The following MN1 variants were observed in gnomAD, a reference collection of about 807,000 sequenced individuals.
MN1 encodes the protein MN1 proto-oncogene, transcriptional regulator.
A neutral mutation model predicts 86.9 loss-of-function variants in MN1; 19 were observed. The observed-to-expected ratio is 0.22, with a 90% CI of 0.15 to 0.32. The LOEUF is 0.32. Ranked by LOEUF, MN1 falls within the 10% of genes least tolerant of loss-of-function variation. The pLI, the probability that MN1 is intolerant of heterozygous loss-of-function variation, is 1.00. For synonymous variants in MN1, 928 were observed against 849.6 expected (o/e 1.09, Z -1.60); for missense variants, 1,841 against 1,862.0 (o/e 0.99, Z 0.21).
At position 27,800,004 on chromosome 22, in the gene MN1, A is replaced by G. The variant is rs1487925652; in HGVS notation, c.540T>C (p.Gly180=). 1 of 1,605,088 alleles carries G rather than the reference A, an allele frequency of 6.2e-7. No homozygotes were observed. Among genetic ancestry groups the G allele is most frequent in the Admixed American group, 1.7e-5 (1 of 59,848 alleles). Residue 180 remains glycine (G), a synonymous_variant, in exon 1 of 2, where the codon GGT becomes GGC. Transcript: ENST00000302326. ...GGGCCGGCACGGCGTGGCTGGAGGC[A>G]CCTGAACTGTGGAAGTCCGGGAGGT... The part of the protein sequence containing the change: ...PGNLPDFHSS[G]ASSHAVPAPC...
Position 27,797,886 on chromosome 22 carries a change from C to A in MN1, c.2658G>T (p.Gly886=), listed in dbSNP as rs779152503. The change falls in exon 1 of 2, where the codon GGG becomes GGT. Residue 886 remains glycine, a synonymous_variant. Transcript: ENST00000302326. ...CGGACGGGCCTCCGGGTCCTGGGGC[C>A]CCAGGAGCAGTCCCTCCTGGGAAGT... ...SDYFPGGTAP[G]APGPGGPSGT... The A allele has an allele frequency of 3.1e-6, 5 of 1,595,066 alleles. No homozygotes were observed. The highest frequency in any genetic ancestry group is 4.3e-6 in the Non-Finnish European group (5 of 1,171,338).
chr22:27,763,574 G>T (rs766005283), intron 1 of MN1, among the ~76,000 whole-genome samples: 2 of 152,194 alleles, frequency 1.3e-5, no homozygotes, highest in Non-Finnish European at 2.9e-5. Flanking sequence ...GGGATGAATT[G>T]GTACCCAACC....
chr22:27,778,609 G>A (rs2073782), intron 1 of MN1, among the ~76,000 whole-genome samples: 3,292 of 152,328 alleles, frequency 0.022, 109 homozygotes, highest in East Asian at 0.13. Flanking sequence ...CCACGACCCC[G>A]TTTAACCCAA....
chr22:27,797,041 C>A lies in MN1; in HGVS notation c.3503G>T (p.Ser1168Ile). The A allele has an allele frequency of 6.2e-7, 1 of 1,612,518 alleles. No individual in the cohort carries two copies. Among genetic ancestry groups the A allele is most frequent in the Non-Finnish European group, 8.5e-7 (1 of 1,179,792 alleles). ...CCCCAGAGGCTGGTCCTCGGAGATG[C>A]TGAACTGCTGCCTCTGTAGCTGGAT... ...AQIQLQRQQF[S>I]ISEDQPLGLK... Residue 1168 changes from serine to isoleucine, a missense_variant, in exon 1 of 2, where the codon AGC (serine) becomes ATC (isoleucine). Ser to Ile is a moderately radical substitution (Grantham distance 142, BLOSUM62 -2). Transcript: ENST00000302326.
intron 1 of MN1, among the ~76,000 whole-genome samples, chr22:27,793,502 T>G (rs1486116739): frequency 6.6e-6 from 1 of 152,182 alleles, no homozygotes; most frequent in Non-Finnish European, 1.5e-5. Flanking sequence ...TTGTTTTTTG[T>G]TTTTTTCCTT....
intron 1 of MN1, among the ~76,000 whole-genome samples, chr22:27,754,469 G>A (rs76372587): frequency 6.6e-6 from 1 of 152,318 alleles, no homozygotes; most frequent in African/African-American, 2.4e-5. Context: ...GAGCATGGGT[G>A]CAGGATTCCC....
rs776968213 is a variant in MN1, at chr22:27,780,432, C to T, written c.3781+16331G>A. Among the ~76,000 whole-genome samples the T allele has an allele frequency of 3.9e-5, 6 of 152,190 alleles. No individual in the cohort carries two copies. The South Asian group carries it at 6.2e-4, about 16-fold the overall frequency. ...CTTGATACAGCTGGCTCCAGGGTGC[C>T]GGAGCCCATTGTTAAATATTCAGGA... On this transcript the variant is annotated intron_variant, in intron 1 of 1. Coordinates refer to ENST00000302326, the MANE Select transcript of MN1 (RefSeq NM_002430.3).
At chr22:27,775,248 G>A (rs991966212) in intron 1 of MN1, among the ~76,000 whole-genome samples, 4 of 152,158 alleles carry the variant, frequency 2.6e-5, no homozygotes, top group Admixed American at 6.5e-5. Flanking sequence ...CTGGCCCCCC[G>A]CCCTTTCGAT....
intron 1 of MN1, among the ~76,000 whole-genome samples, chr22:27,758,761 C>T (rs1932816553): frequency 6.6e-6 from 1 of 152,196 alleles, no homozygotes; most frequent in African/African-American, 2.4e-5. Context: ...ATGCTACCAG[C>T]TATCAGGGCA....
At chr22:27,755,838 C>T (rs772357337) in intron 1 of MN1, among the ~76,000 whole-genome samples, 6 of 152,182 alleles carry the variant, frequency 3.9e-5, no homozygotes, top group Admixed American at 6.5e-5. Flanking sequence ...AAAGCAATTG[C>T]GTGAATAACT....
chr22:27,760,483 A>G (rs1346699482), intron 1 of MN1, among the ~76,000 whole-genome samples: 1 of 151,946 alleles, frequency 6.6e-6, no homozygotes, highest in Non-Finnish European at 1.5e-5. Flanking sequence ...CACTCCAGCC[A>G]GAGTGACAGA....
At chr22:27,792,901 C>T (rs1412879439) in intron 1 of MN1, among the ~76,000 whole-genome samples, 3 of 152,128 alleles carry the variant, frequency 2.0e-5, no homozygotes, top group African/African-American at 4.8e-5. Flanking sequence ...CCCCCCGCCC[C>T]AAGTCTGCCC....
chr22:27,752,627 T>C (rs1932775673), intron 1 of MN1, among the ~76,000 whole-genome samples: 1 of 152,242 alleles, frequency 6.6e-6, no homozygotes, highest in Non-Finnish European at 1.5e-5. Context: ...GGCTACCACA[T>C]GACCACTGGC....
At position 27,796,925 on chromosome 22, in the gene MN1, C is replaced by T; in HGVS notation, c.3619G>A (p.Val1207Ile). Reference protein sequence around the residue: ...SELGSCCSEAVKSAMSTIDLD... With the variant: ...SELGSCCSEAIKSAMSTIDLD... Reference sequence around the variant, plus strand: ...TCAATGGTGCTCATGGCGCTCTTGACCGCCTCGGAGCAGCAGCTGCCCAGC... The same window carrying T: ...TCAATGGTGCTCATGGCGCTCTTGATCGCCTCGGAGCAGCAGCTGCCCAGC... The change falls in exon 1 of 2, where the codon GTC becomes ATC. Residue 1207 changes from valine (V) to isoleucine (I), a missense_variant. By Grantham distance (29) the Val-to-Ile change is conservative (BLOSUM62 3). Transcript: ENST00000302326. The T allele has an allele frequency of 6.2e-7, 1 of 1,612,814 alleles. No individual in the cohort carries two copies. Among genetic ancestry groups the T allele is most frequent in the Non-Finnish European group, 8.5e-7 (1 of 1,179,946 alleles).
At chr22:27,789,778 T>C (rs1479208546) in intron 1 of MN1, among the ~76,000 whole-genome samples, 1 of 152,254 alleles carries the variant, frequency 6.6e-6, no homozygotes. Context: ...CCTACGATGA[T>C]GCGTAAATCG....
At chr22:27,783,188 G>A (rs1174185479) in intron 1 of MN1, among the ~76,000 whole-genome samples, 1 of 150,710 alleles carries the variant, frequency 6.6e-6, no homozygotes, top group Admixed American at 6.6e-5. Flanking sequence ...AGGCTGGAGT[G>A]CAGTGGTGTG....
At chr22:27,761,388 C>A (rs1402911363) in intron 1 of MN1, among the ~76,000 whole-genome samples, 1 of 150,506 alleles carries the variant, frequency 6.6e-6, no homozygotes, top group Non-Finnish European at 1.5e-5. Flanking sequence ...CTTCTTATTT[C>A]TCTCTCTCTT....
chr22:27,779,997 C>T (rs749370649), intron 1 of MN1, among the ~76,000 whole-genome samples: 1 of 152,146 alleles, frequency 6.6e-6, no homozygotes, highest in Non-Finnish European at 1.5e-5. Context: ...ACCCCAGCAC[C>T]CTGTCCTAGG....
intron 1 of MN1, among the ~76,000 whole-genome samples, chr22:27,783,701 A>G (rs1173938459): frequency 2.6e-5 from 4 of 152,172 alleles, no homozygotes; most frequent in African/African-American, 9.7e-5. Context: ...AAAACAGGAG[A>G]AGGTCTTTCC....
Sources: gnomAD v4.1 joint callset for allele counts (sites outside exome capture counted in the v4.1 genomes callset) on GRCh38, gnomAD v4.1.1 for gene constraint, MANE v1.5 for transcripts, NCBI Gene and HGNC (gene_info 2026-07-23, HGNC 2026-07-21) for gene names.